The following TANC2 variants were observed in gnomAD, a reference collection of about 807,000 sequenced individuals.
TANC2 encodes tetratricopeptide repeat, ankyrin repeat and coiled-coil containing 2.
Under a neutral mutation model 210.5 loss-of-function variants are expected in TANC2, and 26 were observed. The observed-to-expected ratio is 0.12, with a 90% confidence interval of 0.09 to 0.17. The LOEUF (loss-of-function observed/expected upper bound fraction) is 0.17. Among genes scored for constraint, TANC2 ranks in the 10% least tolerant of loss-of-function variants. The probability of loss-of-function intolerance (pLI) is 1.00; values close to 1 mark genes in which losing one functional copy is unlikely to be tolerated. For synonymous variants in TANC2, 931 were observed against 967.1 expected (o/e 0.96, Z 0.69); for missense variants, 2,129 against 2,608.9 (o/e 0.82, Z 4.01).
intron 1 of TANC2, among the ~76,000 whole-genome samples, chr17:63,006,929 G>C (rs568336877): frequency 2.0e-5 from 3 of 151,966 alleles, no homozygotes; most frequent in Admixed American, 6.6e-5. Context: ...CATTGATTTA[G>C]AATTATGATA....
Position 63,354,807 on chromosome 17 carries a change from C to T in TANC2, c.1999C>T (p.His667Tyr), listed in dbSNP as rs754146581. 1.9e-6 allele frequency: 3 copies of T among 1,576,496 alleles called. No individual in the cohort carries two copies. The East Asian group carries it at 6.7e-5, about 35-fold the overall frequency. Residue 667 changes from histidine to tyrosine, a missense_variant, in exon 14 of 28, where the codon CAT becomes TAT. By Grantham distance (83) the His-to-Tyr change is moderately conservative. Around this residue, in one of 5 missense-constraint regions of TANC2, gnomAD observed 739 missense variants for 848.0 expected, o/e 0.87. Coordinates refer to ENST00000689528, the Ensembl canonical transcript of TANC2. ...GGAAATTACCAAGCTGCTGCCTTTC[C>T]ATAGGATTTTTTTGGATCGACTAGA...
intron 5 of TANC2, among the ~76,000 whole-genome samples, chr17:63,162,223 G>A (rs1479104066): frequency 6.6e-6 from 1 of 151,698 alleles, no homozygotes; most frequent in East Asian, 1.9e-4. Flanking sequence ...AGGATCACTT[G>A]AACCCAGGAG....
chr17:63,311,397 C>T (rs1268654227), intron 9 of TANC2, among the ~76,000 whole-genome samples: 1 of 152,058 alleles, frequency 6.6e-6, no homozygotes, highest in Non-Finnish European at 1.5e-5. Context: ...ATAGTATGAT[C>T]CCATTTTTGT....
intron 21 of TANC2, among the ~76,000 whole-genome samples, chr17:63,410,649 G>A (rs1567996241): frequency 1.3e-5 from 2 of 151,948 alleles, no homozygotes; most frequent in Non-Finnish European, 2.9e-5. Flanking sequence ...ATCACTTGAG[G>A]TCAGGAGTTC....
At chr17:63,324,800 T>C (rs1353937002) in intron 11 of TANC2, among the ~76,000 whole-genome samples, 2 of 152,176 alleles carry the variant, frequency 1.3e-5, no homozygotes, top group African/African-American at 2.4e-5. Context: ...AATGGGTCAG[T>C]GTTTAAATGT....
rs190483064 is a variant in TANC2 at position 63,207,320 on chromosome 17, A to G, written c.769+6363A>G. On this transcript the variant is annotated intron_variant, in intron 7 of 27. Coordinates refer to ENST00000689528, the Ensembl canonical transcript of TANC2. ...AAGCTCCACCTCCCGGGTTCATGCC[A>G]TTCTCCTGCCTCAGCCTCCCGAGTA... 9.1e-3 allele frequency among the ~76,000 whole-genome samples: 1,282 copies of G among 140,744 alleles called. 16 individuals carry two copies. The highest frequency in any genetic ancestry group is 0.032 in the African/African-American group (1,175 of 37,174). The allele number at this position is 140,744 out of a possible 152,430, so 92.3% of individuals were successfully genotyped here.
rs1243663559 is a variant in TANC2, at chr17:63,418,719, G to C, written c.4268+312G>C. ...ACCCCCAGAGCAGCTAGCACAAAGA[G>C]ACAACGGCGACTTAAAGAAATCACT... On this transcript the variant is annotated intron_variant, in intron 27 of 27. Coordinates refer to ENST00000689528, the Ensembl canonical transcript of TANC2. The surrounding 1 kb of genome is among the most constrained non-coding windows in gnomAD (Gnocchi z 4.6). Among the ~76,000 whole-genome samples the C allele has an allele frequency of 6.6e-6, 1 of 152,224 alleles. No individual in the cohort carries two copies. The highest frequency in any genetic ancestry group is 1.5e-5 in the Non-Finnish European group (1 of 68,038).
At chr17:63,065,204 G>T (rs770201049) in intron 2 of TANC2, among the ~76,000 whole-genome samples, 4 of 152,174 alleles carry the variant, frequency 2.6e-5, no homozygotes, top group Non-Finnish European at 5.9e-5. Flanking sequence ...GTTCACCCAT[G>T]TTGTTGCAAA....
chr17:63,330,549 C>T (rs1489139399), intron 11 of TANC2, among the ~76,000 whole-genome samples: 1 of 152,132 alleles, frequency 6.6e-6, no homozygotes, highest in Admixed American at 6.5e-5. Context: ...TACAAGTCAT[C>T]TTTTTGATTT....
chr17:63,108,623 A>G (rs917541207), intron 4 of TANC2, among the ~76,000 whole-genome samples: 4 of 151,644 alleles, frequency 2.6e-5, no homozygotes, highest in Non-Finnish European at 5.9e-5. Flanking sequence ...ATCCTGGCCA[A>G]CATGGTGAAA....
At chr17:63,376,278 C>CA (rs773965665) in intron 14 of TANC2, among the ~76,000 whole-genome samples, 1,538 of 120,754 alleles carry the variant, frequency 0.013, 19 homozygotes, top group African/African-American at 0.037. Context: ...CTAAAAAATA[C>CA]AAAAAAAAAA....
intron 7 of TANC2, among the ~76,000 whole-genome samples, chr17:63,220,364 A>G (rs2042137368): frequency 6.6e-6 from 1 of 151,926 alleles, no homozygotes; most frequent in South Asian, 2.1e-4. Context: ...AAAGGAATCA[A>G]GGCATTTTAG....
chr17:63,284,259 T>C (rs578185331), intron 9 of TANC2, among the ~76,000 whole-genome samples: 80 of 152,142 alleles, frequency 5.3e-4, no homozygotes, highest in African/African-American at 1.9e-3. Flanking sequence ...TTGATTGATA[T>C]TTGAATCTAA....
intron 12 of TANC2, among the ~76,000 whole-genome samples, chr17:63,343,799 G>A (rs2046314693): frequency 6.6e-6 from 1 of 152,146 alleles, no homozygotes; most frequent in Non-Finnish European, 1.5e-5. Flanking sequence ...AGGAGGCTGA[G>A]GCAGGAGGAT....
intron 2 of TANC2, among the ~76,000 whole-genome samples, chr17:63,048,050 T>C (rs1273345026): frequency 6.6e-6 from 1 of 152,230 alleles, no homozygotes. Flanking sequence ...TCTTCAGAGA[T>C]AAAGGCGTTT....
At chr17:63,367,236 C>T (rs1335116036) in intron 14 of TANC2, among the ~76,000 whole-genome samples, 1 of 152,182 alleles carries the variant, frequency 6.6e-6, no homozygotes, top group African/African-American at 2.4e-5. Context: ...CTGTGCTAAC[C>T]ACTAGAGAAA....
At chr17:63,167,346 G>A (rs902873153) in intron 5 of TANC2, among the ~76,000 whole-genome samples, 6 of 152,064 alleles carry the variant, frequency 3.9e-5, no homozygotes, top group African/African-American at 1.2e-4. Context: ...TAATTATATT[G>A]TATGTTCTAC....
intron 2 of TANC2, among the ~76,000 whole-genome samples, chr17:63,027,736 G>A (rs2034611623): frequency 6.6e-6 from 1 of 152,036 alleles, no homozygotes; most frequent in Admixed American, 6.6e-5. Context: ...ATTAAAGGGA[G>A]AGCAAATGAT....
intron 4 of TANC2, among the ~76,000 whole-genome samples, chr17:63,142,658 G>A (rs759169693): frequency 4.0e-5 from 6 of 151,816 alleles, no homozygotes; most frequent in Non-Finnish European, 8.8e-5. Flanking sequence ...GGTTTAATTT[G>A]TGCTTTCCAA....
Sources: gnomAD v4.1 joint callset for allele counts (sites outside exome capture counted in the v4.1 genomes callset) on GRCh38, gnomAD v4.1.1 for gene constraint, gnomAD v4.1.1 regional missense constraint, Gnocchi (gnomAD v3.1) non-coding constraint, MANE v1.5 for transcripts, NCBI Gene and HGNC (gene_info 2026-07-23, HGNC 2026-07-21) for gene names.